ZGPAT: variants seen among roughly 807,000 people sequenced by gnomAD.
The protein encoded by ZGPAT is zinc finger CCCH-type and G-patch domain containing, also known as zinc finger CCCH-type with G patch domain-containing protein.
A neutral mutation model predicts 47.9 loss-of-function variants in ZGPAT; 39 were observed. The observed-to-expected ratio is 0.81, with a 90% CI of 0.63 to 1.06. The LOEUF (loss-of-function observed/expected upper bound fraction) is 1.06, where lower values mean the gene tolerates loss of function less well. Ranked by LOEUF, ZGPAT falls within the 50% of genes least tolerant of loss-of-function variation. The pLI, the probability that ZGPAT is intolerant of heterozygous loss-of-function variation, is 0.00. For synonymous variants in ZGPAT, 348 were observed against 292.9 expected (o/e 1.19, Z -1.92); for missense variants, 717 against 681.4 (o/e 1.05, Z -0.58).
At chr20:63,734,275 G>A (rs1245401500) in intron 4 of ZGPAT, 1 of 272,146 alleles carries the variant, frequency 3.7e-6, no homozygotes, top group Admixed American at 4.9e-5. Context: ...GTCCAGGAGG[G>A]GTCTGCATGT....
At position 63,735,544 on chromosome 20, in the gene ZGPAT, T is replaced by C; in HGVS notation, c.1377T>C (p.Ala459=). The change falls in exon 6 of 7, where the codon GCT becomes GCC. Residue 459 remains alanine (A), a synonymous_variant. Coordinates refer to ENST00000355969, the MANE Select transcript of ZGPAT (RefSeq NM_181485.3). The part of the protein sequence containing the change: ...TQRDIRSIQE[A]LARNAGRHSV... ...GGGACATCAGGAGCATCCAGGAGGC[T>C]CTCGCCCGCAACGCTGGCCGGTACG... 1 of 1,515,868 alleles carries C rather than the reference T, an allele frequency of 6.6e-7. No individual in the cohort carries two copies. The highest frequency in any genetic ancestry group is 8.8e-7 in the Non-Finnish European group (1 of 1,133,340). The allele number at this position is 1,515,868 out of a possible 1,614,324, so 93.9% of individuals were successfully genotyped here.
chr20:63,718,324 GT>G (rs869265079), intron 2 of ZGPAT, among the ~76,000 whole-genome samples: 2 of 144,846 alleles, frequency 1.4e-5, no homozygotes, highest in African/African-American at 2.4e-5. Flanking sequence ...TTCCAAAAAA[GT>G]TTTTCTTTCT....
chr20:63,721,765 C>T (rs1485654760), intron 2 of ZGPAT, among the ~76,000 whole-genome samples: 1 of 152,040 alleles, frequency 6.6e-6, no homozygotes, highest in Non-Finnish European at 1.5e-5. Context: ...CCTGTTATCC[C>T]AGCACTTTGG....
In ZGPAT at chr20:63,735,975, G is replaced by A; in HGVS notation, c.*56G>A. On this transcript the variant is annotated 3_prime_UTR_variant, in exon 7 of 7. Transcript: ENST00000355969. ...GGACCCCAGCACGGGCTGCCCTCAG[G>A]AAGACCAGTGTTGCCCGAGGAGGGG... 4 of 1,573,558 alleles carry A rather than the reference G, an allele frequency of 2.5e-6. No homozygotes were observed. The highest frequency in any genetic ancestry group is 4.5e-5 in the East Asian group (2 of 44,392).
chr20:63,718,619 C>T (rs2091756268), intron 2 of ZGPAT, among the ~76,000 whole-genome samples: 1 of 145,246 alleles, frequency 6.9e-6, no homozygotes, highest in Admixed American at 6.8e-5. Context: ...CCATGCCCAG[C>T]CCCCAATTTT....
At chr20:63,734,325 G>A (rs537424443) in intron 4 of ZGPAT, 8 of 326,528 alleles carry the variant, frequency 2.5e-5, no homozygotes, top group Admixed American at 4.5e-5. Flanking sequence ...GGTTTCTGAA[G>A]CCCCATGTCC....
At position 63,735,502 on chromosome 20, in the gene ZGPAT, G is replaced by C. The variant is rs1335449403; in HGVS notation, c.1335G>C (p.Lys445Asn). Residue 445 changes from lysine to asparagine, a missense_variant, in exon 6 of 7, where the codon AAG becomes AAC. Lys to Asn is a moderately conservative substitution (Grantham distance 94, BLOSUM62 0). Coordinates refer to ENST00000355969, the MANE Select transcript of ZGPAT (RefSeq NM_181485.3). Reference protein sequence around the residue: ...LSLRLFQTEEKIERTQRDIRS... With the variant: ...LSLRLFQTEENIERTQRDIRS... The stretch of plus-strand genomic sequence containing the variant: ...TGCGGCTCTTCCAGACTGAGGAGAA[G>C]ATCGAGCGAACCCAGCGGGACATCA... 6.5e-7 allele frequency: 1 copy of C among 1,534,166 alleles called. No homozygotes were observed. Among genetic ancestry groups the C allele is most frequent in the African/African-American group, 1.4e-5 (1 of 72,088 alleles).
At chr20:63,732,921 C>T (rs1330387443) in intron 2 of ZGPAT, among the ~76,000 whole-genome samples, 1 of 151,050 alleles carries the variant, frequency 6.6e-6, no homozygotes, top group Non-Finnish European at 1.5e-5. Flanking sequence ...TGTGTATATG[C>T]CTGCATGTAT....
intron 2 of ZGPAT, among the ~76,000 whole-genome samples, chr20:63,732,791 TGA>T (rs2091930900): frequency 1.4e-5 from 2 of 147,746 alleles, no homozygotes; most frequent in Admixed American, 6.7e-5. Flanking sequence ...TGTATGCATG[TGA>T]GTGCATGTTT....
intron 2 of ZGPAT, among the ~76,000 whole-genome samples, chr20:63,730,923 TCTCTCTCTCTC>T (rs1204257816): frequency 9.1e-3 from 26 of 2,858 alleles, no homozygotes; most frequent in African/African-American, 0.017. Context: ...TCCTCTTCAT[TCTCTCTCTCTC>T]TCTCTCTCTC....
At chr20:63,724,348 G>A (rs2091820730) in intron 2 of ZGPAT, among the ~76,000 whole-genome samples, 3 of 141,604 alleles carry the variant, frequency 2.1e-5, no homozygotes, top group Non-Finnish European at 4.5e-5. Context: ...CTAGATGACA[G>A]AGCGAGACTC....
rs759529772 is a variant in ZGPAT, at chr20:63,709,194, T to A, written c.584+30T>A. 4 of 1,601,472 alleles carry A rather than the reference T, an allele frequency of 2.5e-6. No homozygotes were observed. In the Admixed American group the frequency reaches 6.7e-5, roughly 27 times the overall value. ...AGCCCTTTGTTGTCAGATGCCAACC[T>A]TAGGGGCGTAAGGGGCACGCACACA... On this transcript the variant is annotated intron_variant, in intron 2 of 6. Coordinates refer to ENST00000355969, the MANE Select transcript of ZGPAT (RefSeq NM_181485.3).
At chr20:63,724,613 C>T (rs893848979) in intron 2 of ZGPAT, among the ~76,000 whole-genome samples, 2 of 151,246 alleles carry the variant, frequency 1.3e-5, no homozygotes, top group Non-Finnish European at 2.9e-5. Flanking sequence ...TTTTTCTTTC[C>T]TGTGAATTTG....
At chr20:63,733,479 AC>A in intron 3 of ZGPAT, 107 bp from the exon 4 acceptor site, 12 of 1,601,528 alleles carry the variant, frequency 7.5e-6, no homozygotes, top group Non-Finnish European at 1.0e-5. Context: ...CGAAATGAGC[AC>A]ACCTACCCTC....
At chr20:63,725,231 G>A (rs1022851890) in intron 2 of ZGPAT, among the ~76,000 whole-genome samples, 6 of 152,268 alleles carry the variant, frequency 3.9e-5, no homozygotes, top group East Asian at 3.9e-4. Flanking sequence ...TGATCCGCCC[G>A]CCTTGGCCTC....
intron 5 of ZGPAT, 122 bp from the exon 6 acceptor site, chr20:63,735,037 G>A (rs910863450): frequency 1.1e-5 from 15 of 1,382,014 alleles, no homozygotes; most frequent in Non-Finnish European, 1.3e-5. Context: ...TACGGCCACA[G>A]CACTGCCATC....
At chr20:63,710,579 T>G (rs6062501) in intron 2 of ZGPAT, among the ~76,000 whole-genome samples, 21,332 of 152,280 alleles carry the variant, frequency 0.14, 1,905 homozygotes, top group Non-Finnish European at 0.19. Context: ...TGTCGTCATT[T>G]ATTAATATTT....
At chr20:63,734,397 G>A (rs899677722) in intron 4 of ZGPAT, 7 of 457,980 alleles carry the variant, frequency 1.5e-5, no homozygotes, top group South Asian at 3.7e-5. Flanking sequence ...ACAGCCTCGC[G>A]AAGGTGGAGA....
intron 2 of ZGPAT, chr20:63,730,045 C>CACACACACACAA (rs1335531657): frequency 3.3e-5 from 5 of 152,124 alleles, no homozygotes; most frequent in African/African-American, 7.3e-5. Context: ...CACACACACA[C>CACACACACACAA]ACAAAATAAT....
Sources: gnomAD v4.1 joint callset for allele counts (sites outside exome capture counted in the v4.1 genomes callset) on GRCh38, gnomAD v4.1.1 for gene constraint, MANE v1.5 for transcripts, NCBI Gene and HGNC (gene_info 2026-07-23, HGNC 2026-07-21) for gene names.